Variants in NLGN1 observed in about 807,000 individuals in gnomAD.
NLGN1 encodes neuroligin-1.
A neutral mutation model predicts 65.5 loss-of-function variants in NLGN1; 12 were observed. The ratio of observed to expected loss-of-function variants is 0.18; its 90% CI spans 0.12 to 0.30. NLGN1 has a LOEUF of 0.30. NLGN1 is among the 10% of genes least tolerant of loss of function. The pLI is 1.00. For missense variants in NLGN1, 750 were observed against 1,007.1 expected (o/e 0.74, Z 3.46); for synonymous variants, 350 against 359.5 (o/e 0.97, Z 0.30).
intron 4 of NLGN1, among the ~76,000 whole-genome samples, chr3:174,155,146 C>G (rs1725209215): frequency 6.7e-6 from 1 of 148,944 alleles, no homozygotes. Flanking sequence ...AGATCTAAAG[C>G]CCATCATTTT....
chr3:173,651,620 A>G lies in NLGN1; in HGVS notation c.493+46529A>G, dbSNP rs181885415. 4.6e-5 allele frequency among the ~76,000 whole-genome samples: 7 copies of G among 152,028 alleles called. 1 individual carries two copies. The highest frequency in any genetic ancestry group is 4.6e-4 in the Admixed American group (7 of 15,256). ...TCTTTTTCTCTGCATCCTCACCAAC[A>G]TTTGTTATTTTTTGACTTTAATAAT... On this transcript the variant is annotated intron_variant, in intron 3 of 6. Coordinates refer to ENST00000457714, the Ensembl canonical transcript of NLGN1.
At chr3:173,922,373 A>C (rs968099245) in intron 4 of NLGN1, among the ~76,000 whole-genome samples, 1 of 152,092 alleles carries the variant, frequency 6.6e-6, no homozygotes, top group African/African-American at 2.4e-5. Flanking sequence ...TACTACAAAA[A>C]TGTGAAGAGA....
intron 4 of NLGN1, among the ~76,000 whole-genome samples, chr3:174,084,971 A>G (rs548150011): frequency 9.7e-4 from 147 of 152,190 alleles, no homozygotes; most frequent in African/African-American, 3.3e-3. Context: ...ATTGCAAATT[A>G]TCTTTGATTG....
intron 2 of NLGN1, among the ~76,000 whole-genome samples, chr3:173,521,524 A>G (rs146890674): frequency 6.6e-6 from 1 of 152,342 alleles, no homozygotes; most frequent in East Asian, 1.9e-4. Context: ...CACTGTACTT[A>G]TGGCCTGGTG....
At chr3:173,581,752 T>A (rs1163252259) in intron 2 of NLGN1, among the ~76,000 whole-genome samples, 1 of 151,926 alleles carries the variant, frequency 6.6e-6, no homozygotes, top group African/African-American at 2.4e-5. Context: ...TTTTTCAGAC[T>A]TAATTAGAAA....
At chr3:173,668,460 T>C (rs1279052814) in intron 3 of NLGN1, among the ~76,000 whole-genome samples, 1 of 152,044 alleles carries the variant, frequency 6.6e-6, no homozygotes, top group Non-Finnish European at 1.5e-5. Context: ...AAGCCATATC[T>C]GGAAGGGATT....
At chr3:173,814,097 G>A (rs537495375) in intron 4 of NLGN1, among the ~76,000 whole-genome samples, 2 of 152,348 alleles carry the variant, frequency 1.3e-5, no homozygotes, top group East Asian at 1.9e-4. Context: ...AGCTGGGCCC[G>A]CAGGGTTCGT....
intron 4 of NLGN1, among the ~76,000 whole-genome samples, chr3:173,921,897 C>G (rs1230285877): frequency 6.6e-6 from 1 of 152,102 alleles, no homozygotes; most frequent in Non-Finnish European, 1.5e-5. Context: ...CTTATTCTAA[C>G]TTGCCACTCA....
At chr3:174,129,283 G>T (rs1719637961) in intron 4 of NLGN1, among the ~76,000 whole-genome samples, 1 of 150,694 alleles carries the variant, frequency 6.6e-6, no homozygotes, top group African/African-American at 2.4e-5. Context: ...CGTTTTGTAT[G>T]GCATAGATGA....
At position 173,546,055 on chromosome 3, in the gene NLGN1, C is replaced by T. The variant is rs999382896; in HGVS notation, c.-320-58224C>T. On this transcript the variant is annotated intron_variant, in intron 2 of 6. Coordinates refer to ENST00000457714, the Ensembl canonical transcript of NLGN1. The stretch of plus-strand genomic sequence containing the variant: ...ACGTGTATACCTATGTAACAAACCT[C>T]CACGTTCTGCTCATGTATCCCAGAA... 5.9e-5 allele frequency among the ~76,000 whole-genome samples: 9 copies of T among 152,060 alleles called. 1 individual carries two copies. Among genetic ancestry groups the T allele is most frequent in the Admixed American group, 2.0e-4 (3 of 15,246 alleles).
chr3:173,748,981 G>A (rs1775939669), intron 3 of NLGN1, among the ~76,000 whole-genome samples: 1 of 152,024 alleles, frequency 6.6e-6, no homozygotes, highest in South Asian at 2.1e-4. Flanking sequence ...TATGCACATA[G>A]CATGACTGAA....
chr3:173,585,475 C>T (rs1412606623), intron 2 of NLGN1, among the ~76,000 whole-genome samples: 2 of 151,990 alleles, frequency 1.3e-5, no homozygotes, highest in African/African-American at 4.8e-5. Flanking sequence ...CATGTTGTCT[C>T]CTCCCCCACC....
chr3:174,249,655 C>T (rs1398264439), intron 4 of NLGN1, among the ~76,000 whole-genome samples: 1 of 152,168 alleles, frequency 6.6e-6, no homozygotes, highest in Non-Finnish European at 1.5e-5. Context: ...ATCCACTTAC[C>T]TACTTTGTAA....
intron 4 of NLGN1, among the ~76,000 whole-genome samples, chr3:173,880,793 CTCT>C (rs1392130220): frequency 6.6e-6 from 1 of 152,090 alleles, no homozygotes; most frequent in Non-Finnish European, 1.5e-5. Context: ...CTTCAATTAA[CTCT>C]TCTTCTCATA....
chr3:173,476,475 C>A (rs1408419681), intron 2 of NLGN1, among the ~76,000 whole-genome samples: 1 of 151,986 alleles, frequency 6.6e-6, no homozygotes, highest in South Asian at 2.1e-4. Flanking sequence ...TATATATGAG[C>A]CCATTTAACA....
At chr3:173,547,642 C>T (rs1577216319) in intron 2 of NLGN1, among the ~76,000 whole-genome samples, 1 of 152,106 alleles carries the variant, frequency 6.6e-6, no homozygotes, top group Non-Finnish European at 1.5e-5. Flanking sequence ...AAGTTCTTCT[C>T]TTCATACTAG....
intron 3 of NLGN1, among the ~76,000 whole-genome samples, chr3:173,719,647 T>G (rs1009084561): frequency 6.6e-6 from 1 of 152,200 alleles, no homozygotes; most frequent in Non-Finnish European, 1.5e-5. Context: ...AAACCTCGTA[T>G]AGTTGATGTT....
intron 3 of NLGN1, among the ~76,000 whole-genome samples, chr3:173,656,467 A>G (rs1760053252): frequency 6.6e-6 from 1 of 152,110 alleles, no homozygotes; most frequent in Admixed American, 6.6e-5. Flanking sequence ...CTTTTGATGA[A>G]AGTCATAGGT....
intron 3 of NLGN1, among the ~76,000 whole-genome samples, chr3:173,736,835 A>C (rs113053502): frequency 0.018 from 2,792 of 152,118 alleles, 96 homozygotes; most frequent in African/African-American, 0.064. Flanking sequence ...ATGTTGGCCA[A>C]AATTGATCAT....
Sources: allele counts gnomAD v4.1 joint callset (sites outside exome capture counted in the v4.1 genomes callset), GRCh38; gene constraint gnomAD v4.1.1; transcripts MANE v1.5; gene names NCBI Gene and HGNC (gene_info 2026-07-23, HGNC 2026-07-21).